The following SMKR1 variants were observed in gnomAD, a reference collection of about 807,000 sequenced individuals.
SMKR1 encodes small lysine-rich protein 1.
SMKR1 carries 4 observed loss-of-function variants against 4.0 expected under a neutral mutation model. The observed-to-expected ratio is 1.00, with a 90% CI of 0.49 to 2.30. The LOEUF (loss-of-function observed/expected upper bound fraction) is 2.30. SMKR1 is among the 30% of genes most tolerant of loss of function. The pLI, the probability that SMKR1 is intolerant of heterozygous loss-of-function variation, is 0.02. For synonymous variants in SMKR1, 38 were observed against 32.5 expected, an observed-to-expected ratio of 1.17 and a Z score of -0.58; for missense variants, 56 against 81.8, an observed-to-expected ratio of 0.68 and a Z score of 1.22.
intron 1 of SMKR1, among the ~76,000 whole-genome samples, chr7:129,510,835 G>A (rs907907738): frequency 1.3e-5 from 2 of 152,026 alleles, no homozygotes; most frequent in African/African-American, 4.8e-5. Flanking sequence ...GGGAGGCAGA[G>A]TCTCGCTCTG....
intron 1 of SMKR1, among the ~76,000 whole-genome samples, chr7:129,511,463 T>G (rs759741513): frequency 3.2e-4 from 48 of 152,122 alleles, no homozygotes; most frequent in Admixed American, 5.9e-4. Flanking sequence ...ACGTGTGGAC[T>G]TCTTCTTCTG....
At position 129,512,312 on chromosome 7, in the gene SMKR1, A is replaced by G. The variant is rs1223072864; in HGVS notation, c.69A>G (p.Glu23=). ...KSHGKKQKKP[E]VDILSPAAML... ...ATGGGAAGAAACAGAAGAAACCAGA[A>G]GTGGACATTCTCAGCCCCGCGGCCA... is the stretch of plus-strand genomic sequence containing the variant. The change falls in exon 2 of 2, where the codon GAA becomes GAG. Residue 23 remains glutamate, a synonymous_variant. Coordinates refer to ENST00000462322, the MANE Select transcript of SMKR1 (RefSeq NM_001195243.2). 1.2e-5 allele frequency: 19 copies of G among 1,535,668 alleles called. No homozygotes were observed. Among genetic ancestry groups the G allele is most frequent in the Admixed American group, 7.9e-5 (4 of 50,938 alleles).
At chr7:129,510,720 C>T (rs1799516844) in intron 1 of SMKR1, among the ~76,000 whole-genome samples, 1 of 151,750 alleles carries the variant, frequency 6.6e-6, no homozygotes, top group Admixed American at 6.6e-5. Flanking sequence ...ACAGCAAGAC[C>T]CTGTCTCCAA....
At chr7:129,511,974 G>A (rs1020253909) in intron 1 of SMKR1, among the ~76,000 whole-genome samples, 8 of 152,280 alleles carry the variant, frequency 5.3e-5, no homozygotes, top group Admixed American at 5.2e-4. Flanking sequence ...CTTGAGGTCA[G>A]GAGTTTGTGA....
At chr7:129,507,444 C>G (rs1799481647) in intron 1 of SMKR1, among the ~76,000 whole-genome samples, 1 of 152,148 alleles carries the variant, frequency 6.6e-6, no homozygotes, top group African/African-American at 2.4e-5. Context: ...GCCACTGTAC[C>G]CAGCCTGTTT....
At chr7:129,505,633 C>T (rs1165729536) in intron 1 of SMKR1, among the ~76,000 whole-genome samples, 1 of 152,068 alleles carries the variant, frequency 6.6e-6, no homozygotes, top group Non-Finnish European at 1.5e-5. Flanking sequence ...CACCCGCCAC[C>T]GTGCCTGGCT....
intron 1 of SMKR1, among the ~76,000 whole-genome samples, chr7:129,512,044 G>A (rs1799531302): frequency 6.6e-6 from 1 of 151,978 alleles, no homozygotes; most frequent in Non-Finnish European, 1.5e-5. Flanking sequence ...TTAGCCGGGA[G>A]TGATGGGGCA....
In SMKR1 at chr7:129,504,844, C is replaced by T. The variant is rs546353412; in HGVS notation, c.3+2017C>T. On this transcript the variant is annotated intron_variant, in intron 1 of 1. Transcript: ENST00000462322. ...GGGATTACAGGTGTGAACCACCATGCCTGGCCAATAGGGCCCTTTCTTCAC... is the reference window on the plus strand; with the variant it reads ...GGGATTACAGGTGTGAACCACCATGTCTGGCCAATAGGGCCCTTTCTTCAC... Among the ~76,000 whole-genome samples, 5 of 152,298 alleles carry T rather than the reference C, an allele frequency of 3.3e-5. No individual in the cohort carries two copies. The East Asian group carries it at 9.6e-4, about 29-fold the overall frequency.
At position 129,512,402 on chromosome 7, in the gene SMKR1, G is replaced by A; in HGVS notation, c.159G>A (p.Trp53Ter). ...GCCTGCATCTGCGAGGCTTCCATTGGCCGGGTGCTCCCAAAGGAAAGAAAG... is the reference window on the plus strand; with the variant it reads ...GCCTGCATCTGCGAGGCTTCCATTGACCGGGTGCTCCCAAAGGAAAGAAAG... ...ADCLHLRGFH[W>*]PGAPKGKKGR... Residue 53 changes from tryptophan (W) to a stop codon, truncating the protein, a stop_gained, in exon 2 of 2, where the codon TGG becomes TGA. Transcript: ENST00000462322. LOFTEE classifies it high-confidence loss of function. 6.5e-7 allele frequency: 1 copy of A among 1,535,672 alleles called. No homozygotes were observed. The highest frequency in any genetic ancestry group is 8.7e-7 in the Non-Finnish European group (1 of 1,146,788).
Position 129,502,685 on chromosome 7 carries a change from CG to C in SMKR1, c.-139del. ...CGGGGAGGCGTAGTGAGGCTGGGCC[CG>C]TGGCGGTTCCCTGAGGAGGGCCGAG... is the stretch of plus-strand genomic sequence containing the variant. On this transcript the variant is annotated 5_prime_UTR_variant, in exon 1 of 2. Transcript: ENST00000462322. 1.5e-6 allele frequency: 2 copies of C among 1,303,744 alleles called. No individual in the cohort carries two copies. The highest frequency in any genetic ancestry group is 2.1e-6 in the Non-Finnish European group (2 of 947,696). 80.8% of individuals were successfully genotyped at this position (1,303,744 alleles called of 1,614,324 possible). A position where few individuals can be genotyped will look rare whatever the true frequency, so the allele number is the denominator to read the frequency against.
At chr7:129,509,300 C>G (rs149348615) in intron 1 of SMKR1, among the ~76,000 whole-genome samples, 350 of 152,192 alleles carry the variant, frequency 2.3e-3, no homozygotes, top group African/African-American at 8.2e-3. Context: ...GCAACAAGAG[C>G]AAGACTCCGT....
rs1799471822 is a variant in SMKR1, at chr7:129,506,872, T to C, written c.3+4045T>C. Among the ~76,000 whole-genome samples the C allele has an allele frequency of 2.0e-5, 3 of 150,412 alleles. 1 individual carries two copies. The highest frequency in any genetic ancestry group is 2.0e-4 in the Admixed American group (3 of 15,106). On this transcript the variant is annotated intron_variant, in intron 1 of 1. Transcript: ENST00000462322. The stretch of plus-strand genomic sequence containing the variant: ...TTTTCTTTCTTTCTTTTCTTTTTTT[T>C]TTTTTTTGACAGGGTCTCATTTTCT...
At chr7:129,509,476 G>A (rs183200297) in intron 1 of SMKR1, among the ~76,000 whole-genome samples, 14 of 152,104 alleles carry the variant, frequency 9.2e-5, no homozygotes, top group South Asian at 4.2e-4. Flanking sequence ...TGCAAGATAC[G>A]TCTCATCTTC....
At chr7:129,504,999 T>C (rs1341321263) in intron 1 of SMKR1, among the ~76,000 whole-genome samples, 1 of 152,264 alleles carries the variant, frequency 6.6e-6, no homozygotes, top group Non-Finnish European at 1.5e-5. Flanking sequence ...CAGTAGATTT[T>C]TGTTAAATAC....
intron 1 of SMKR1, among the ~76,000 whole-genome samples, chr7:129,506,204 CT>C (rs1562927722): frequency 6.6e-6 from 1 of 152,162 alleles, no homozygotes; most frequent in Non-Finnish European, 1.5e-5. Context: ...TTTTGGGAGG[CT>C]GAGGCGAGAG....
intron 1 of SMKR1, among the ~76,000 whole-genome samples, chr7:129,506,568 T>C (rs1164296255): frequency 1.3e-5 from 2 of 152,202 alleles, no homozygotes; most frequent in Non-Finnish European, 2.9e-5. Flanking sequence ...CACCTTTCTC[T>C]CTTGCCCCTC....
At chr7:129,509,379 C>T (rs1272588118) in intron 1 of SMKR1, among the ~76,000 whole-genome samples, 1 of 152,134 alleles carries the variant, frequency 6.6e-6, no homozygotes, top group East Asian at 1.9e-4. Flanking sequence ...AATGTACATC[C>T]CGTACCTCAT....
At position 129,511,879 on chromosome 7, in the gene SMKR1, C is replaced by T. The variant is rs142774103; in HGVS notation, c.4-368C>T. 8.6e-3 allele frequency among the ~76,000 whole-genome samples: 1,304 copies of T among 152,090 alleles called. 18 individuals are homozygous for T. The highest frequency in any genetic ancestry group is 0.03 in the African/African-American group (1,248 of 41,476). ...CAATACAGAAATACTGAAAATGATA[C>T]CAAGTTTATAAAAACTAACTCGGCC... is the stretch of plus-strand genomic sequence containing the variant. On this transcript the variant is annotated intron_variant, in intron 1 of 1. Coordinates refer to ENST00000462322, the MANE Select transcript of SMKR1 (RefSeq NM_001195243.2).
At chr7:129,506,719 G>T (rs1584985357) in intron 1 of SMKR1, among the ~76,000 whole-genome samples, 2 of 131,482 alleles carry the variant, frequency 1.5e-5, no homozygotes, top group African/African-American at 2.8e-5. Context: ...TTTTTTACTT[G>T]AGTAATTATT....
Sources: gnomAD v4.1 joint callset for allele counts (sites outside exome capture counted in the v4.1 genomes callset) on GRCh38, gnomAD v4.1.1 for gene constraint, MANE v1.5 for transcripts, NCBI Gene and HGNC (gene_info 2026-07-23, HGNC 2026-07-21) for gene names.